The following TET3 variants were observed in gnomAD, a reference collection of about 807,000 sequenced individuals.
TET3 encodes the protein methylcytosine dioxygenase TET3.
A neutral mutation model predicts 141.4 loss-of-function variants in TET3; 19 were observed. That is an observed-to-expected ratio of 0.13 (90% CI 0.09 to 0.20). TET3 has a LOEUF of 0.20. TET3 is among the 10% of genes least tolerant of loss of function. The probability of loss-of-function intolerance (pLI) is 1.00; values close to 1 mark genes in which losing one functional copy is unlikely to be tolerated. For missense variants in TET3, 1,874 were observed against 2,356.9 expected, an observed-to-expected ratio of 0.80 and a Z score of 4.24; for synonymous variants, 1,043 against 980.9, an observed-to-expected ratio of 1.06 and a Z score of -1.18.
Position 74,093,453 on chromosome 2 carries a change from C to T in TET3, c.3130-76C>T. 1 of 1,481,508 alleles carries T rather than the reference C, an allele frequency of 6.7e-7. No individual in the cohort carries two copies. Among genetic ancestry groups the T allele is most frequent in the African/African-American group, 1.4e-5 (1 of 71,526 alleles). The allele number at this position is 1,481,508 out of a possible 1,614,324, so 91.8% of individuals were successfully genotyped here. A position where few individuals can be genotyped will look rare whatever the true frequency, so the allele number is the denominator to read the frequency against. On this transcript the variant is annotated intron_variant, in intron 9 of 11. Transcript: ENST00000409262. The surrounding 1 kb of genome is among the most constrained non-coding windows in gnomAD (Gnocchi z 4.2). Reference sequence around the variant, plus strand: ...ATCCTTAACATCCCTCCTTCCAAGACCTGGCCTCCCCAGGTGCAGAATCGG... The same window carrying T: ...ATCCTTAACATCCCTCCTTCCAAGATCTGGCCTCCCCAGGTGCAGAATCGG...
intron 3 of TET3, among the ~76,000 whole-genome samples, chr2:74,031,047 A>G (rs1340540571): frequency 1.3e-5 from 2 of 152,116 alleles, no homozygotes; most frequent in Admixed American, 1.3e-4. Flanking sequence ...GATGGGCTTA[A>G]GTTGCATTCA....
In TET3 at chr2:74,046,873, G is replaced by A; in HGVS notation, c.956G>A (p.Ser319Asn). The A allele has an allele frequency of 6.2e-7, 1 of 1,613,572 alleles. No individual in the cohort carries two copies. Reference protein sequence around the residue: ...PPGEAGLPAPSTRPLLSSEVP... With the variant: ...PPGEAGLPAPNTRPLLSSEVP... ...GGTGAGGCCGGCCTCCCAGCACCAA[G>A]CACCAGGCCACTCCTCAGCTCAGAG... Residue 319 changes from serine to asparagine, a missense_variant, in exon 4 of 12, where the codon AGC becomes AAC. Ser to Asn is a conservative substitution (Grantham distance 46, BLOSUM62 1). Coordinates refer to ENST00000409262, the MANE Select transcript of TET3 (RefSeq NM_001287491.2). This position sits in a 1 kb window ranked among gnomAD's most constrained non-coding sequence, Gnocchi z 4.3.
At chr2:74,096,126 T>C (rs768882505) in intron 10 of TET3, among the ~76,000 whole-genome samples, 43 of 152,216 alleles carry the variant, frequency 2.8e-4, no homozygotes, top group Non-Finnish European at 4.0e-4. Flanking sequence ...GTATCTCTTG[T>C]AGGAAATACA....
chr2:74,125,057 G>A, the TET3 span, among the ~76,000 whole-genome samples: 1 of 150,822 alleles, frequency 6.6e-6, no homozygotes, highest in African/African-American at 2.4e-5. Flanking sequence ...CCCAGGCTGG[G>A]GTGCAATGGT....
the TET3 span, among the ~76,000 whole-genome samples, chr2:74,124,957 TAA>T: frequency 1.7e-5 from 2 of 120,552 alleles, no homozygotes; most frequent in Non-Finnish European, 3.6e-5. Flanking sequence ...GGTTAAAAAC[TAA>T]AAAAAAAAAA....
downstream of TET3, among the ~76,000 whole-genome samples, chr2:74,113,032 A>C (rs1255635756): frequency 6.7e-6 from 1 of 148,520 alleles, no homozygotes; most frequent in African/African-American, 2.6e-5. Context: ...AAAAAAAAAA[A>C]AAACCCACAG....
chr2:74,020,510 A>G (rs1331733684), intron 3 of TET3, among the ~76,000 whole-genome samples: 1 of 152,166 alleles, frequency 6.6e-6, no homozygotes, highest in Non-Finnish European at 1.5e-5. Context: ...TTTTGTTTGT[A>G]ATTGGGGAAT....
At chr2:74,114,965 A>C in the TET3 span, among the ~76,000 whole-genome samples, 3 of 151,988 alleles carry the variant, frequency 2.0e-5, no homozygotes, top group Non-Finnish European at 4.4e-5. Context: ...AAATGGACCA[A>C]AGACCTAAAT....
chr2:74,039,611 C>T (rs1687240647), intron 3 of TET3, among the ~76,000 whole-genome samples: 1 of 152,188 alleles, frequency 6.6e-6, no homozygotes, highest in Non-Finnish European at 1.5e-5. Flanking sequence ...ATTGGGAAGT[C>T]AGAAGTGACA....
At chr2:74,113,006 C>CCAAAA (rs780195901), downstream of TET3, among the ~76,000 whole-genome samples, 15 of 34,396 alleles carry the variant, frequency 4.4e-4, no homozygotes, top group Non-Finnish European at 6.8e-4. Flanking sequence ...GACTCCGTCT[C>CCAAAA]AAAAAAAAAA....
At chr2:74,002,167 C>T (rs1356572785) in intron 2 of TET3, among the ~76,000 whole-genome samples, 1 of 152,170 alleles carries the variant, frequency 6.6e-6, no homozygotes, top group African/African-American at 2.4e-5. Context: ...TTCCTAGCCG[C>T]ATCACCTTGG....
intron 3 of TET3, among the ~76,000 whole-genome samples, chr2:74,004,498 CT>C (rs1685050778): frequency 6.6e-6 from 1 of 152,154 alleles, no homozygotes; most frequent in Non-Finnish European, 1.5e-5. Context: ...AGTTCCCTGG[CT>C]TTGTCCCAAG....
chr2:74,114,853 C>CAAAAAAAAAAAAAAA, the TET3 span, among the ~76,000 whole-genome samples: 2,404 of 43,714 alleles, frequency 0.055, 403 homozygotes, highest in East Asian at 0.095. Flanking sequence ...GACTCTGTCT[C>CAAAAAAAAAAAAAAA]AAAAAAAAAA....
chr2:74,017,347 G>A (rs1685783162), intron 3 of TET3, among the ~76,000 whole-genome samples: 1 of 152,118 alleles, frequency 6.6e-6, no homozygotes, highest in Admixed American at 6.6e-5. Context: ...CTTCTATCTG[G>A]CTGTGCTGTT....
chr2:74,103,956 C>T lies in TET3; in HGVS notation c.*1780C>T, dbSNP rs1392525311. ...TCAGATGACCGCTATAGGCAAGTTC[C>T]TGAGCTTCCGGGTGCCTTGAGTAAG... On this transcript the variant is annotated 3_prime_UTR_variant, in exon 12 of 12. Coordinates refer to ENST00000409262, the MANE Select transcript of TET3 (RefSeq NM_001287491.2). The T allele has an allele frequency of 6.5e-6, 1 of 153,640 alleles. No homozygotes were observed. Among genetic ancestry groups the T allele is most frequent in the African/African-American group, 2.4e-5 (1 of 41,406 alleles). The allele number at this position is 153,640 out of a possible 1,614,324, so 9.5% of individuals were successfully genotyped here. A position where few individuals can be genotyped will look rare whatever the true frequency, so the allele number is the denominator to read the frequency against.
At chr2:74,028,445 A>G (rs2105279932) in intron 3 of TET3, among the ~76,000 whole-genome samples, 1 of 152,256 alleles carries the variant, frequency 6.6e-6, no homozygotes, top group Non-Finnish European at 1.5e-5. Context: ...TTATAGTTTT[A>G]GTTCTTACAC....
At chr2:74,065,447 C>T (rs116036586) in intron 4 of TET3, among the ~76,000 whole-genome samples, 2 of 152,116 alleles carry the variant, frequency 1.3e-5, no homozygotes, top group African/African-American at 4.8e-5. Flanking sequence ...ATTCTTTGAT[C>T]ATTTCTTTGC....
At chr2:74,074,473 G>GT (rs1558770288) in intron 5 of TET3, among the ~76,000 whole-genome samples, 1 of 152,182 alleles carries the variant, frequency 6.6e-6, no homozygotes, top group Non-Finnish European at 1.5e-5. Context: ...ACTAGTTGTG[G>GT]TTTTTGAGCA....
intron 3 of TET3, among the ~76,000 whole-genome samples, chr2:74,010,755 T>C (rs1685386094): frequency 6.6e-6 from 1 of 152,216 alleles, no homozygotes; most frequent in South Asian, 2.1e-4. Flanking sequence ...TTTTTTCTCA[T>C]TCACTGATAA....
Sources: allele counts gnomAD v4.1 joint callset (sites outside exome capture counted in the v4.1 genomes callset), GRCh38; gene constraint gnomAD v4.1.1; non-coding constraint Gnocchi (gnomAD v3.1); transcripts MANE v1.5; gene names NCBI Gene and HGNC (gene_info 2026-07-23, HGNC 2026-07-21).